The following COL9A1 variants were observed in gnomAD, a reference collection of about 807,000 sequenced individuals.
The protein encoded by COL9A1 is collagen type IX alpha 1 chain.
Under a neutral mutation model 142.6 loss-of-function variants are expected in COL9A1, and 104 were observed. The ratio of observed to expected loss-of-function variants is 0.73; its 90% CI spans 0.62 to 0.86. The LOEUF is 0.86. COL9A1 is among the 40% of genes least tolerant of loss of function. The pLI is 0.00. For synonymous variants in COL9A1, 466 were observed against 396.0 expected (o/e 1.18, Z -2.10); for missense variants, 1,210 against 1,176.6 (o/e 1.03, Z -0.42).
chr6:70,295,281 C>CTTTTTTTTTTTTTTTTTTTTTTTTTTTTT lies in COL9A1; in HGVS notation c.300-719_300-718insAAAAAAAAAAAAAAAAAAAAAAAAAAAAA, dbSNP rs1171549562. 3.2e-5 allele frequency among the ~76,000 whole-genome samples: 2 copies of CTTTTTTTTTTTTTTTTTTTTTTTTTTTTT among 63,130 alleles called. 1 individual carries two copies. Among genetic ancestry groups the CTTTTTTTTTTTTTTTTTTTTTTTTTTTTT allele is most frequent in the African/African-American group, 1.3e-4 (2 of 15,630 alleles). The allele number at this position is 63,130 out of a possible 152,430, so 41.4% of individuals were successfully genotyped here. On this transcript the variant is annotated intron_variant, in intron 4 of 37. Coordinates refer to ENST00000357250, the MANE Select transcript of COL9A1 (RefSeq NM_001851.6). ...CTCTACTGCAACTCTGTTGTTGCTTCTTTTTTTTTTTTTTTTTTTTTTTTT... is the reference window on the plus strand; with the variant it reads ...CTCTACTGCAACTCTGTTGTTGCTTCTTTTTTTTTTTTTTTTTTTTTTTTTTTTTTTTTTTTTTTTTTTTTTTTTTTTTT...
At chr6:70,217,154 C>T in intron 37 of COL9A1, 73 bp from the exon 38 acceptor site, 1 of 1,470,872 alleles carries the variant, frequency 6.8e-7, no homozygotes, top group Admixed American at 1.7e-5. Flanking sequence ...GGGCATGGCT[C>T]AGCAGCGCTC....
At chr6:70,218,434 G>C (rs979236469) in intron 37 of COL9A1, among the ~76,000 whole-genome samples, 1 of 152,176 alleles carries the variant, frequency 6.6e-6, no homozygotes, top group Non-Finnish European at 1.5e-5. Context: ...AGGAATTTCT[G>C]CTGAATGTTT....
chr6:70,220,718 C>T (rs16868775), intron 37 of COL9A1, among the ~76,000 whole-genome samples: 35,786 of 152,094 alleles, frequency 0.24, 5,057 homozygotes, highest in East Asian at 0.44. Flanking sequence ...GAAGCTGACT[C>T]ATAATAACGG....
At position 70,241,994 on chromosome 6, in the gene COL9A1, G is replaced by A. The variant is rs1389734931; in HGVS notation, c.1968C>T (p.Pro656=). The change falls in exon 30 of 38, where the codon CCC becomes CCT. Residue 656 remains proline (P), a synonymous_variant. Transcript: ENST00000357250. ...CACCTTTCATTCCAGGAAGTCCAGG[G>A]GGCCCAGGCAAGCCAGGGAGGCCAG... ...GSPGLPGLPG[P]PGLPGMKGDR... 1.3e-6 allele frequency: 2 copies of A among 1,600,006 alleles called. No homozygotes were observed. The highest frequency in any genetic ancestry group is 1.7e-6 in the Non-Finnish European group (2 of 1,172,276).
At chr6:70,278,436 T>C (rs1369850351) in intron 10 of COL9A1, among the ~76,000 whole-genome samples, 1 of 152,358 alleles carries the variant, frequency 6.6e-6, no homozygotes, top group Non-Finnish European at 1.5e-5. Context: ...TAATCTACTT[T>C]CCAGGTTATT....
chr6:70,215,651 G>C (rs1583185177), downstream of COL9A1: 1 of 152,180 alleles, frequency 6.6e-6, no homozygotes, highest in East Asian at 1.9e-4. Context: ...CAGTGCTTTA[G>C]CTGAGCTGCA....
At chr6:70,265,417 C>A (rs549153543) in intron 18 of COL9A1, among the ~76,000 whole-genome samples, 1 of 148,602 alleles carries the variant, frequency 6.7e-6, no homozygotes, top group African/African-American at 2.4e-5. Flanking sequence ...ATTTAATATT[C>A]GTACACACTT....
intron 5 of COL9A1, among the ~76,000 whole-genome samples, chr6:70,292,203 T>TG (rs1390241193): frequency 6.6e-6 from 1 of 152,140 alleles, no homozygotes. Context: ...TAGCTATCAT[T>TG]GTCACTGTCA....
At chr6:70,281,188 C>T in intron 8 of COL9A1, 149 bp from the exon 9 acceptor site, 1 of 800,720 alleles carries the variant, frequency 1.2e-6, no homozygotes, top group Non-Finnish European at 2.0e-6. Context: ...ACAACAGAGA[C>T]ACCTCTCCCT....
chr6:70,259,492 C>A (rs752409161), intron 20 of COL9A1, among the ~76,000 whole-genome samples: 3 of 151,894 alleles, frequency 2.0e-5, no homozygotes, highest in South Asian at 2.1e-4. Flanking sequence ...TACACACACG[C>A]CAAGGAAAAC....
intron 37 of COL9A1, among the ~76,000 whole-genome samples, chr6:70,217,805 T>A (rs1200568): frequency 0.33 from 50,430 of 152,044 alleles, 8,580 homozygotes; most frequent in East Asian, 0.44. Flanking sequence ...GTCACTAATC[T>A]CTCAGTTTCT....
intron 2 of COL9A1, among the ~76,000 whole-genome samples, chr6:70,301,026 C>T (rs1774042315): frequency 1.3e-5 from 2 of 151,832 alleles, no homozygotes; most frequent in South Asian, 4.2e-4. Context: ...ATAAAAGTCC[C>T]GACTAGATTA....
chr6:70,283,420 G>C (rs573833203), intron 6 of COL9A1, among the ~76,000 whole-genome samples: 1 of 152,382 alleles, frequency 6.6e-6, no homozygotes, highest in South Asian at 2.1e-4. Context: ...GCCTGTGCCA[G>C]TGCTGGCCAG....
Position 70,271,666 on chromosome 6 carries a change from C to G in COL9A1, c.1132G>C (p.Val378Leu). The change falls in exon 14 of 38, where the codon GTA (valine) becomes CTA (leucine). Residue 378 changes from valine (V) to leucine (L), a missense_variant. Val to Leu is a conservative substitution (Grantham distance 32). Coordinates refer to ENST00000357250, the MANE Select transcript of COL9A1 (RefSeq NM_001851.6). ...ACTGTGGTACTCACAACAGGTCCTACACGGCCAAGCTCTCCAGGGAGTCCT... is the reference window on the plus strand; with the variant it reads ...ACTGTGGTACTCACAACAGGTCCTAGACGGCCAAGCTCTCCAGGGAGTCCT... ...TAGLPGELGR[V>L]GPVGDPGRRG... 2 of 1,613,948 alleles carry G rather than the reference C, an allele frequency of 1.2e-6. No individual in the cohort carries two copies. The highest frequency in any genetic ancestry group is 1.7e-6 in the Non-Finnish European group (2 of 1,179,858).
rs1293335875 is a variant in COL9A1 at position 70,225,982 on chromosome 6, C to A, written c.2531G>T (p.Gly844Val). 2.5e-6 allele frequency: 4 copies of A among 1,613,894 alleles called. No homozygotes were observed. The highest frequency in any genetic ancestry group is 3.4e-6 in the Non-Finnish European group (4 of 1,179,926). Residue 844 changes from glycine to valine, a missense_variant, in exon 37 of 38, where the codon GGC becomes GTC. By Grantham distance (109) the Gly-to-Val change is moderately radical. Transcript: ENST00000357250. ...ACCGTTGGGACCTCTTCCTGGAGGG[C>A]CACGCTCCCCCTTTTCTCCCAAGTC... ...KGDLGEKGER[G>V]PPGRGPNGLP...
intron 10 of COL9A1, 136 bp downstream of exon 10, chr6:70,280,676 C>T: frequency 7.5e-7 from 1 of 1,334,408 alleles, no homozygotes. Flanking sequence ...CAGGCGCTGG[C>T]AGGAGGCCAA....
intron 33 of COL9A1, among the ~76,000 whole-genome samples, chr6:70,236,176 G>C (rs2176356): frequency 0.37 from 53,700 of 146,348 alleles, 11,741 homozygotes; most frequent in Non-Finnish European, 0.51. Context: ...ACTTAAGTAT[G>C]AAGGAAGTTA....
chr6:70,294,293 ACTC>A lies in COL9A1; in HGVS notation c.567_569del (p.Arg189del). 6.2e-7 allele frequency: 1 copy of A among 1,613,766 alleles called. No individual in the cohort carries two copies. The highest frequency in any genetic ancestry group is 2.2e-5 in the East Asian group (1 of 44,870). The stretch of plus-strand genomic sequence containing the variant: ...TGCAGTCAACAAAAAGAGTAGCACT[ACTC>A]CTCTCCACGCCAATCATGATCTTAT... On this transcript the variant is annotated inframe_deletion, in exon 5 of 38. Coordinates refer to ENST00000357250, the MANE Select transcript of COL9A1 (RefSeq NM_001851.6).
intron 10 of COL9A1, among the ~76,000 whole-genome samples, chr6:70,277,913 C>A (rs1772874604): frequency 6.6e-6 from 1 of 152,186 alleles, no homozygotes; most frequent in African/African-American, 2.4e-5. Flanking sequence ...ACTGTTGAAG[C>A]TCTCCTACTT....
Sources: allele counts gnomAD v4.1 joint callset (sites outside exome capture counted in the v4.1 genomes callset), GRCh38; gene constraint gnomAD v4.1.1; transcripts MANE v1.5; gene names NCBI Gene and HGNC (gene_info 2026-07-23, HGNC 2026-07-21).